Variants in MAP3K7 observed in about 807,000 individuals in gnomAD.
The protein encoded by MAP3K7 is mitogen-activated protein kinase kinase kinase 7.
MAP3K7 carries 21 observed loss-of-function variants against 84.8 expected under a neutral mutation model. The observed-to-expected ratio is 0.25, with a 90% confidence interval of 0.18 to 0.36. MAP3K7 has a LOEUF of 0.36. Ranked by LOEUF, MAP3K7 falls within the 10% of genes least tolerant of loss-of-function variation. The probability of loss-of-function intolerance (pLI) is 1.00; values close to 1 mark genes in which losing one functional copy is unlikely to be tolerated. For missense variants in MAP3K7, 503 were observed against 747.7 expected (o/e 0.67, Z 3.82); for synonymous variants, 241 against 247.7 (o/e 0.97, Z 0.25).
At chr6:90,577,950 T>C (rs1777141698) in intron 1 of MAP3K7, among the ~76,000 whole-genome samples, 1 of 152,136 alleles carries the variant, frequency 6.6e-6, no homozygotes, top group Admixed American at 6.5e-5. Context: ...TCCCTTGCTG[T>C]TTATATTATT....
intron 2 of MAP3K7, among the ~76,000 whole-genome samples, chr6:90,568,997 T>C (rs1776810011): frequency 6.6e-6 from 1 of 152,186 alleles, no homozygotes; most frequent in African/African-American, 2.4e-5. Flanking sequence ...AGCTGCATTA[T>C]CCAAACCAGA....
At chr6:90,585,547 G>A (rs979236744) in intron 1 of MAP3K7, among the ~76,000 whole-genome samples, 1 of 151,428 alleles carries the variant, frequency 6.6e-6, no homozygotes. Context: ...TAAATGGTAA[G>A]AGATAGTATT....
At chr6:90,547,419 G>C in intron 10 of MAP3K7, 32 bp from the exon 11 acceptor site, 1 of 1,600,520 alleles carries the variant, frequency 6.2e-7, no homozygotes, top group Non-Finnish European at 8.5e-7. Flanking sequence ...CTGAATTACT[G>C]AAGTTCTTTA....
chr6:90,578,553 G>A (rs1777161772), intron 1 of MAP3K7, among the ~76,000 whole-genome samples: 2 of 152,156 alleles, frequency 1.3e-5, no homozygotes, highest in African/African-American at 4.8e-5. Flanking sequence ...GGGATTACAG[G>A]CGTGAACCAC....
intron 9 of MAP3K7, among the ~76,000 whole-genome samples, chr6:90,549,550 A>G (rs1322305354): frequency 6.6e-6 from 1 of 152,176 alleles, no homozygotes; most frequent in African/African-American, 2.4e-5. Context: ...TCCCAAAAGA[A>G]TTATAATAGT....
rs34131348 is a variant in MAP3K7, at chr6:90,545,703, G to A, written c.1211-1071C>T. Among the ~76,000 whole-genome samples the A allele has an allele frequency of 7.2e-3, 1,091 of 152,234 alleles. 16 individuals carry two copies. The highest frequency in any genetic ancestry group is 0.025 in the African/African-American group (1,027 of 41,528). ...TGAAGACCCATCTGTGGCAGACACA[G>A]CTATCTTCTGCCAGTTTCCACTCTT... On this transcript the variant is annotated intron_variant, in intron 11 of 16. Transcript: ENST00000369329.
At position 90,586,966 on chromosome 6, in the gene MAP3K7, C is replaced by G. The variant is rs537351750; in HGVS notation, c.-83G>C. Reference sequence around the variant, plus strand: ...GACCCGCGCCCACCCGCCTCCGGACCGACCCTCAGCCTGGAGCCGCGCAGT... The same window carrying G: ...GACCCGCGCCCACCCGCCTCCGGACGGACCCTCAGCCTGGAGCCGCGCAGT... On this transcript the variant is annotated 5_prime_UTR_variant, in exon 1 of 17. Coordinates refer to ENST00000369329, the MANE Select transcript of MAP3K7 (RefSeq NM_145331.3). 4.9e-6 allele frequency: 7 copies of G among 1,435,600 alleles called. No homozygotes were observed. The South Asian group carries it at 6.9e-5, about 14-fold the overall frequency. 88.9% of individuals were successfully genotyped at this position (1,435,600 alleles called of 1,614,324 possible).
chr6:90,579,296 T>C (rs1038494870), intron 1 of MAP3K7, among the ~76,000 whole-genome samples: 1 of 152,332 alleles, frequency 6.6e-6, no homozygotes, highest in Admixed American at 6.5e-5. Flanking sequence ...GGCTTGTGTA[T>C]AAAGGGCTTA....
intron 3 of MAP3K7, among the ~76,000 whole-genome samples, chr6:90,568,302 T>C (rs1015499978): frequency 1.3e-5 from 2 of 151,312 alleles, no homozygotes; most frequent in South Asian, 2.1e-4. Context: ...GCCACGGTGC[T>C]GTATTCTCAC....
At chr6:90,581,463 T>G (rs1248970252) in intron 1 of MAP3K7, among the ~76,000 whole-genome samples, 1 of 152,190 alleles carries the variant, frequency 6.6e-6, no homozygotes, top group East Asian at 1.9e-4. Flanking sequence ...TCAATATCTA[T>G]TAATAAACTG....
chr6:90,517,606 T>C (rs1206572032), intron 16 of MAP3K7, among the ~76,000 whole-genome samples: 1 of 151,940 alleles, frequency 6.6e-6, no homozygotes, highest in East Asian at 1.9e-4. Flanking sequence ...TGATAATTAC[T>C]TCTACGATTT....
intron 14 of MAP3K7, among the ~76,000 whole-genome samples, chr6:90,520,215 A>C (rs1036331631): frequency 6.6e-6 from 1 of 151,992 alleles, no homozygotes; most frequent in African/African-American, 2.4e-5. Flanking sequence ...TAAATGAGTG[A>C]GCTCTTCAGC....
chr6:90,559,109 A>C (rs1343648358), intron 5 of MAP3K7, among the ~76,000 whole-genome samples: 1 of 152,230 alleles, frequency 6.6e-6, no homozygotes, highest in Non-Finnish European at 1.5e-5. Flanking sequence ...AGCCTCAGGA[A>C]AAATAAAAGC....
chr6:90,568,301 C>T (rs1776781665), intron 3 of MAP3K7, among the ~76,000 whole-genome samples: 1 of 151,216 alleles, frequency 6.6e-6, no homozygotes, highest in Non-Finnish European at 1.5e-5. Context: ...TGCCACGGTG[C>T]TGTATTCTCA....
At chr6:90,525,307 G>A (rs1449331665) in intron 13 of MAP3K7, among the ~76,000 whole-genome samples, 1 of 152,122 alleles carries the variant, frequency 6.6e-6, no homozygotes, top group Non-Finnish European at 1.5e-5. Context: ...GAGATAATAT[G>A]ATAAGTGGTT....
intron 4 of MAP3K7, among the ~76,000 whole-genome samples, chr6:90,560,507 G>A (rs1055818132): frequency 2.6e-5 from 4 of 152,062 alleles, no homozygotes; most frequent in East Asian, 1.9e-4. Context: ...GACTACAGGC[G>A]TGTGCCACCA....
At chr6:90,524,427 T>C (rs1283123437) in intron 13 of MAP3K7, among the ~76,000 whole-genome samples, 1 of 152,100 alleles carries the variant, frequency 6.6e-6, no homozygotes, top group African/African-American at 2.4e-5. Context: ...GCTCACAAAT[T>C]GAGTTCAACA....
chr6:90,566,974 A>G (rs1216133771), intron 3 of MAP3K7, among the ~76,000 whole-genome samples: 1 of 152,228 alleles, frequency 6.6e-6, no homozygotes, highest in Non-Finnish European at 1.5e-5. Flanking sequence ...AGGATTCCCC[A>G]TTTAATAAAT....
chr6:90,566,015 C>G (rs1776691281), intron 3 of MAP3K7, among the ~76,000 whole-genome samples: 1 of 152,088 alleles, frequency 6.6e-6, no homozygotes, highest in Admixed American at 6.5e-5. Flanking sequence ...ATTCAACAGC[C>G]CTTCATGCTA....
Sources: gnomAD v4.1 joint callset for allele counts (sites outside exome capture counted in the v4.1 genomes callset) on GRCh38, gnomAD v4.1.1 for gene constraint, MANE v1.5 for transcripts, NCBI Gene and HGNC (gene_info 2026-07-23, HGNC 2026-07-21) for gene names.